The following TEDC2 variants were observed in gnomAD, a reference collection of about 807,000 sequenced individuals.
The protein encoded by TEDC2 is tubulin epsilon and delta complex 2, also known as tubulin epsilon and delta complex protein 2.
A neutral mutation model predicts 48.1 loss-of-function variants in TEDC2; 49 were observed. The observed-to-expected ratio is 1.02, with a 90% confidence interval of 0.81 to 1.29. The LOEUF (loss-of-function observed/expected upper bound fraction) is 1.29. Among genes scored for constraint, TEDC2 ranks in the 50% most tolerant of loss-of-function variants. The pLI, the probability that TEDC2 is intolerant of heterozygous loss-of-function variation, is 0.00. For synonymous variants in TEDC2, 299 were observed against 247.1 expected, an observed-to-expected ratio of 1.21 and a Z score of -1.97; for missense variants, 631 against 571.4, an observed-to-expected ratio of 1.10 and a Z score of -1.06.
At position 2,462,287 on chromosome 16, in the gene TEDC2, C is replaced by T. The variant is rs761209817; in HGVS notation, c.750+48C>T. The T allele has an allele frequency of 7.5e-6, 12 of 1,607,910 alleles. No individual in the cohort carries two copies. The South Asian group carries it at 9.9e-5, about 13-fold the overall frequency. ...AGCCCTGGGGGCCTCTAGCTCTGAACCTGGCAGGTTTGCAGAGCAGCCCCA... is the reference window on the plus strand; with the variant it reads ...AGCCCTGGGGGCCTCTAGCTCTGAATCTGGCAGGTTTGCAGAGCAGCCCCA... On this transcript the variant is annotated intron_variant, in intron 6 of 9. Coordinates refer to ENST00000361837, the MANE Select transcript of TEDC2 (RefSeq NM_025108.3).
At chr16:2,463,621 C>T (rs926676830) in intron 8 of TEDC2, among the ~76,000 whole-genome samples, 48 of 147,440 alleles carry the variant, frequency 3.3e-4, no homozygotes, top group Non-Finnish European at 4.0e-4. Flanking sequence ...AGTGAGACTC[C>T]GTCTCCAAAA....
Position 2,464,761 on chromosome 16 carries a change from C to T in TEDC2, c.*93C>T. Reference sequence around the variant, plus strand: ...GGGGACCCAGAGATGCCTGTGCTTCCCTGGGAAACCTGGTGAACTGGACCA... The same window carrying T: ...GGGGACCCAGAGATGCCTGTGCTTCTCTGGGAAACCTGGTGAACTGGACCA... On this transcript the variant is annotated 3_prime_UTR_variant, in exon 10 of 10. Transcript: ENST00000361837. 1 of 1,508,592 alleles carries T rather than the reference C, an allele frequency of 6.6e-7. No individual in the cohort carries two copies. Among genetic ancestry groups the T allele is most frequent in the South Asian group, 1.2e-5 (1 of 83,580 alleles). 93.5% of individuals were successfully genotyped at this position (1,508,592 alleles called of 1,614,324 possible). A position where few individuals can be genotyped will look rare whatever the true frequency, so the allele number is the denominator to read the frequency against.
At chr16:2,462,091 G>GGCCCA in intron 5 of TEDC2, 58 bp from the exon 6 acceptor site, 1 of 1,564,462 alleles carries the variant, frequency 6.4e-7, no homozygotes, top group Non-Finnish European at 8.8e-7. Flanking sequence ...CCAGCTTACT[G>GGCCCA]GCTGGAATAA....
At chr16:2,464,008 C>A in intron 8 of TEDC2, 31 bp from the exon 9 acceptor site, 4 of 1,588,974 alleles carry the variant, frequency 2.5e-6, no homozygotes, top group Non-Finnish European at 3.4e-6. Flanking sequence ...TCGGCTGCTA[C>A]CCCAAAGGCC....
rs762713910 is a variant in TEDC2 at position 2,464,511 on chromosome 16, C to T, written c.1156-11C>T. 6.4e-7 allele frequency: 1 copy of T among 1,555,378 alleles called. No individual in the cohort carries two copies. Among genetic ancestry groups the T allele is most frequent in the East Asian group, 2.2e-5 (1 of 44,568 alleles). On this transcript the variant is annotated splice_polypyrimidine_tract_variant and intron_variant, in intron 9 of 9. Transcript: ENST00000361837. The stretch of plus-strand genomic sequence containing the variant: ...CCCTGAGACCTTGGCCCTGCCCTGC[C>T]CTGCCCCCAGGTCCTGATGGCTGAA...
At position 2,464,694 on chromosome 16, in the gene TEDC2, G is replaced by C; in HGVS notation, c.*26G>C. 6.2e-7 allele frequency: 1 copy of C among 1,612,060 alleles called. No individual in the cohort carries two copies. On this transcript the variant is annotated 3_prime_UTR_variant, in exon 10 of 10. Transcript: ENST00000361837. ...GCCTTTCCCATGCTGCCCTCGGCCT[G>C]TTCAGATGGGGATTGGGGGTGTCTT... is the stretch of plus-strand genomic sequence containing the variant.
Position 2,464,857 on chromosome 16 carries a change from C to A in TEDC2, c.*189C>A. 1.3e-6 allele frequency: 1 copy of A among 757,092 alleles called. No homozygotes were observed. Among genetic ancestry groups the A allele is most frequent in the Non-Finnish European group, 2.1e-6 (1 of 483,918 alleles). The allele number at this position is 757,092 out of a possible 1,614,324, so 46.9% of individuals were successfully genotyped here. A position where few individuals can be genotyped will look rare whatever the true frequency, so the allele number is the denominator to read the frequency against. On this transcript the variant is annotated 3_prime_UTR_variant, in exon 10 of 10. Coordinates refer to ENST00000361837, the MANE Select transcript of TEDC2 (RefSeq NM_025108.3). ...GGGCTGGCTTTCAGCCTTCCTAAGGCTCCTGGACTCCAGAGGCCAGCGGGG... is the reference window on the plus strand; with the variant it reads ...GGGCTGGCTTTCAGCCTTCCTAAGGATCCTGGACTCCAGAGGCCAGCGGGG...
At chr16:2,464,358 G>A in intron 9 of TEDC2, 129 bp downstream of exon 9, 1 of 1,365,452 alleles carries the variant, frequency 7.3e-7, no homozygotes, top group Non-Finnish European at 9.9e-7. Flanking sequence ...TGTGTGTGTG[G>A]GTTGGGAAGT....
chr16:2,463,676 G>A (rs529375812), intron 8 of TEDC2, among the ~76,000 whole-genome samples: 83 of 152,064 alleles, frequency 5.5e-4, no homozygotes, highest in African/African-American at 1.8e-3. Context: ...GCTCCTGGGA[G>A]GTGACTCGCC....
rs1346148546 is a variant in TEDC2, at chr16:2,464,611, G to A, written c.1245G>A (p.Leu415=). 6.2e-7 allele frequency: 1 copy of A among 1,612,278 alleles called. No individual in the cohort carries two copies. Among genetic ancestry groups the A allele is most frequent in the South Asian group, 1.1e-5 (1 of 91,084 alleles). Residue 415 remains leucine (L), a synonymous_variant, in exon 10 of 10, where the codon CTG becomes CTA. Coordinates refer to ENST00000361837, the MANE Select transcript of TEDC2 (RefSeq NM_025108.3). ...CCCTGTGCCGGGCTGTGCACAGCCT[G>A]CTCTGCGAGGGAGGAGCACGTGTCC... ...WLALCRAVHS[L]LCEGGARVLT...
At position 2,464,672 on chromosome 16, in the gene TEDC2, T is replaced by C. The variant is rs1437123672; in HGVS notation, c.*4T>C. On this transcript the variant is annotated 3_prime_UTR_variant, in exon 10 of 10. Coordinates refer to ENST00000361837, the MANE Select transcript of TEDC2 (RefSeq NM_025108.3). ...GCGGGATGAACCTGCAGTCTGAGCC[T>C]TTCCCATGCTGCCCTCGGCCTGTTC... is the stretch of plus-strand genomic sequence containing the variant. 2 of 1,612,918 alleles carry C rather than the reference T, an allele frequency of 1.2e-6. No individual in the cohort carries two copies. Among genetic ancestry groups the C allele is most frequent in the Admixed American group, 1.7e-5 (1 of 60,008 alleles).
At position 2,464,033 on chromosome 16, in the gene TEDC2, A is replaced by T. The variant is rs762865317; in HGVS notation, c.965-6A>T. 2 of 1,610,848 alleles carry T rather than the reference A, an allele frequency of 1.2e-6. No homozygotes were observed. Among genetic ancestry groups the T allele is most frequent in the South Asian group, 2.2e-5 (2 of 91,008 alleles). Reference sequence around the variant, plus strand: ...CCCCAAAGGCCACATTCTCCTGTGCACACAGCGGTGGCGGAACAGCCACCA... The same window carrying T: ...CCCCAAAGGCCACATTCTCCTGTGCTCACAGCGGTGGCGGAACAGCCACCA... On this transcript the variant is annotated splice_region_variant and splice_polypyrimidine_tract_variant and intron_variant, in intron 8 of 9. Transcript: ENST00000361837.
In TEDC2 at chr16:2,460,176, G is replaced by T; in HGVS notation, c.26+6G>T. The stretch of plus-strand genomic sequence containing the variant: ...CCGGCGGGCTGCTCGCGCCGGTGAG[G>T]CCTGCGCGGCAGGAGGGGGTGGGAG... On this transcript the variant is annotated splice_donor_region_variant and intron_variant, in intron 1 of 9. Transcript: ENST00000361837. 7.2e-7 allele frequency: 1 copy of T among 1,386,356 alleles called. No individual in the cohort carries two copies. 85.9% of individuals were successfully genotyped at this position (1,386,356 alleles called of 1,614,324 possible).
In TEDC2 at chr16:2,460,692, A is replaced by C; in HGVS notation, c.195A>C (p.Pro65=). Residue 65 remains proline, a splice_region_variant and synonymous_variant, in exon 3 of 10, where the codon CCA becomes CCC. Coordinates refer to ENST00000361837, the MANE Select transcript of TEDC2 (RefSeq NM_025108.3). ...GPETNGEDPL[P]ACTPSPQDLK... Reference sequence around the variant, plus strand: ...AAACTAATGGAGAGGACCCCCTTCCAGGTAAACCTCCACCACCCGCCTTCT... The same window carrying C: ...AAACTAATGGAGAGGACCCCCTTCCCGGTAAACCTCCACCACCCGCCTTCT... The C allele has an allele frequency of 6.2e-7, 1 of 1,613,078 alleles. No homozygotes were observed. The highest frequency in any genetic ancestry group is 2.2e-5 in the East Asian group (1 of 44,870).
chr16:2,463,589 T>G (rs1419287215), intron 8 of TEDC2, among the ~76,000 whole-genome samples: 1 of 149,530 alleles, frequency 6.7e-6, no homozygotes, highest in Non-Finnish European at 1.5e-5. Flanking sequence ...ATTGCACCAC[T>G]GCACTCCAGC....
intron 4 of TEDC2, 71 bp from the exon 5 acceptor site, chr16:2,461,676 C>T: frequency 1.9e-6 from 3 of 1,582,574 alleles, no homozygotes; most frequent in Non-Finnish European, 2.6e-6. Context: ...TGATTGGGCT[C>T]TGAGCAGGAA....
At chr16:2,461,715 G>T in intron 4 of TEDC2, 32 bp from the exon 5 acceptor site, 1 of 1,612,566 alleles carries the variant, frequency 6.2e-7, no homozygotes, top group Non-Finnish European at 8.5e-7. Flanking sequence ...AGAGCAAGGC[G>T]ATGCTCCTCT....
intron 5 of TEDC2, 101 bp downstream of exon 5, chr16:2,461,901 C>T (rs970579951): frequency 6.9e-7 from 1 of 1,443,548 alleles, no homozygotes; most frequent in Non-Finnish European, 9.7e-7. Flanking sequence ...TCTCTTTGTC[C>T]TCTTTGCTGA....
rs182707995 is a variant in TEDC2 at position 2,461,842 on chromosome 16, C to T, written c.659+42C>T. ...TGGCTGGACGGGGGTAGGGGAGAAC[C>T]GGGAGGCATCACCAGCTCGGGGACA... On this transcript the variant is annotated intron_variant, in intron 5 of 9. Coordinates refer to ENST00000361837, the MANE Select transcript of TEDC2 (RefSeq NM_025108.3). The T allele has an allele frequency of 6.5e-5, 104 of 1,608,790 alleles. No individual in the cohort carries two copies. In the African/African-American group the frequency reaches 8.8e-4, roughly 14 times the overall value.
Sources: gnomAD v4.1 joint callset for allele counts (sites outside exome capture counted in the v4.1 genomes callset) on GRCh38, gnomAD v4.1.1 for gene constraint, MANE v1.5 for transcripts, NCBI Gene and HGNC (gene_info 2026-07-23, HGNC 2026-07-21) for gene names.